GOLM1: variants seen among roughly 807,000 people sequenced by gnomAD.
GOLM1 encodes golgi membrane protein 1, also known as epididymis luminal protein 46.
In GOLM1, 31 loss-of-function variants were observed where a neutral mutation model predicts 50.5. That is an observed-to-expected ratio of 0.61 (90% CI 0.46 to 0.83). GOLM1 has a LOEUF of 0.83. Among genes scored for constraint, GOLM1 ranks in the 40% least tolerant of loss-of-function variants. The pLI is 0.00. For synonymous variants in GOLM1, 178 were observed against 192.8 expected (o/e 0.92, Z 0.64); for missense variants, 491 against 501.3 (o/e 0.98, Z 0.20).
chr9:86,029,339 G>A (rs75271722), intron 9 of GOLM1, among the ~76,000 whole-genome samples: 2,702 of 152,182 alleles, frequency 0.018, 42 homozygotes, highest in Middle Eastern at 0.051. Context: ...GCTCCTGTGC[G>A]GCGTGACTCC....
chr9:86,029,801 C>T lies in GOLM1; in HGVS notation c.1130-1908G>A, dbSNP rs190645374. 2.3e-3 allele frequency among the ~76,000 whole-genome samples: 354 copies of T among 152,304 alleles called. 1 individual carries two copies. Among genetic ancestry groups the T allele is most frequent in the African/African-American group, 8.2e-3 (341 of 41,564 alleles). On this transcript the variant is annotated intron_variant, in intron 9 of 9. Coordinates refer to ENST00000388712, the MANE Select transcript of GOLM1 (RefSeq NM_016548.4). ...TCATTTTCTTTACCTTACCTACTTA[C>T]TTTGTTTAAAACCTTGCACAAGGTC...
At chr9:86,043,386 G>A (rs756572813) in intron 5 of GOLM1, among the ~76,000 whole-genome samples, 10 of 152,116 alleles carry the variant, frequency 6.6e-5, no homozygotes, top group Admixed American at 2.0e-4. Flanking sequence ...TTGTGTTCTC[G>A]GCACTGCCTT....
intron 1 of GOLM1, chr9:86,085,031 A>G (rs1834911355): frequency 6.7e-6 from 1 of 148,262 alleles, no homozygotes; most frequent in African/African-American, 2.5e-5. Flanking sequence ...GGGGCAACAG[A>G]GTGAGACTCT....
chr9:86,029,531 A>G (rs1161043706), intron 9 of GOLM1, among the ~76,000 whole-genome samples: 1 of 152,066 alleles, frequency 6.6e-6, no homozygotes, highest in Admixed American at 6.5e-5. Context: ...CACAAATAAA[A>G]CCTAAAACCA....
At chr9:86,048,879 A>G (rs1162291202) in intron 4 of GOLM1, among the ~76,000 whole-genome samples, 1 of 152,136 alleles carries the variant, frequency 6.6e-6, no homozygotes, top group African/African-American at 2.4e-5. Flanking sequence ...CTTTAGTTTA[A>G]TTAGATCCCA....
chr9:86,067,872 G>C (rs1243641079), intron 3 of GOLM1, among the ~76,000 whole-genome samples: 2 of 152,274 alleles, frequency 1.3e-5, no homozygotes, highest in Non-Finnish European at 2.9e-5. Context: ...TGGGCATGGT[G>C]GTGGGTGCCT....
At position 86,027,499 on chromosome 9, in the gene GOLM1, A is replaced by G. The variant is rs1431974613; in HGVS notation, c.*318T>C. On this transcript the variant is annotated 3_prime_UTR_variant, in exon 10 of 10. Transcript: ENST00000388712. ...TGGCTGTTAATTTACACAAAGTTAT[A>G]TTCCAGAATCAGGAAGCCCCGCTGT... 1.8e-6 allele frequency: 2 copies of G among 1,133,638 alleles called. No homozygotes were observed. Among genetic ancestry groups the G allele is most frequent in the Non-Finnish European group, 2.2e-6 (2 of 923,650 alleles). The allele number at this position is 1,133,638 out of a possible 1,614,324, so 70.2% of individuals were successfully genotyped here. A position where few individuals can be genotyped will look rare whatever the true frequency, so the allele number is the denominator to read the frequency against.
At chr9:86,028,568 G>A (rs1302674916) in intron 9 of GOLM1, among the ~76,000 whole-genome samples, 3 of 152,218 alleles carry the variant, frequency 2.0e-5, no homozygotes, top group Non-Finnish European at 4.4e-5. Context: ...CTGGGATACA[G>A]AAAGCCCTCT....
At chr9:86,061,519 G>A (rs1834158878) in intron 3 of GOLM1, among the ~76,000 whole-genome samples, 1 of 152,210 alleles carries the variant, frequency 6.6e-6, no homozygotes, top group Admixed American at 6.5e-5. Flanking sequence ...GAGTAACAGA[G>A]AAAGAGGGCA....
intron 3 of GOLM1, among the ~76,000 whole-genome samples, chr9:86,055,790 G>A (rs376856962): frequency 2.6e-5 from 4 of 152,112 alleles, no homozygotes; most frequent in African/African-American, 4.8e-5. Context: ...GGATAGGAGA[G>A]GGGGGAGGGA....
At chr9:86,052,462 G>T in intron 4 of GOLM1, 75 bp downstream of exon 4, 1 of 1,222,650 alleles carries the variant, frequency 8.2e-7, no homozygotes, top group Non-Finnish European at 1.2e-6. Context: ...GACCCACCTG[G>T]GCCTAGAGAA....
intron 3 of GOLM1, among the ~76,000 whole-genome samples, chr9:86,075,331 A>G (rs1266184200): frequency 6.6e-6 from 1 of 152,210 alleles, no homozygotes; most frequent in Non-Finnish European, 1.5e-5. Flanking sequence ...GTGGCTTACG[A>G]CTGCGCCCAC....
Position 86,040,749 on chromosome 9 carries a change from T to C in GOLM1, c.587A>G (p.Gln196Arg). Residue 196 changes from glutamine (Q) to arginine (R), a missense_variant, in exon 6 of 10, where the codon CAG becomes CGG. Coordinates refer to ENST00000388712, the MANE Select transcript of GOLM1 (RefSeq NM_016548.4). ...AAATTCCCCAGTTACCTGCTGTCTC[T>C]GGTCGTTGTTTTCACTCAGGTCTCT... is the stretch of plus-strand genomic sequence containing the variant. The part of the protein sequence containing the change: ...ASRDLSENND[Q>R]RQQLQALSEP... 1.2e-6 allele frequency: 2 copies of C among 1,613,000 alleles called. No homozygotes were observed. Among genetic ancestry groups the C allele is most frequent in the South Asian group, 2.2e-5 (2 of 90,720 alleles).
chr9:86,089,603 C>G (rs1033640437), intron 1 of GOLM1, among the ~76,000 whole-genome samples: 1 of 152,044 alleles, frequency 6.6e-6, no homozygotes, highest in African/African-American at 2.4e-5. Context: ...TTTTTCAGCT[C>G]CATCAGGTCA....
At chr9:86,058,100 T>G (rs1250818842) in intron 3 of GOLM1, among the ~76,000 whole-genome samples, 1 of 152,200 alleles carries the variant, frequency 6.6e-6, no homozygotes, top group Admixed American at 6.5e-5. Context: ...AGGAATGACA[T>G]AAGAATGAAG....
chr9:86,060,901 A>AG (rs1834140351), intron 3 of GOLM1, among the ~76,000 whole-genome samples: 1 of 80,068 alleles, frequency 1.2e-5, no homozygotes, highest in Non-Finnish European at 2.1e-5. Context: ...AAAAAAAAAA[A>AG]AAAAAAAAAA....
At chr9:86,028,251 A>G (rs1832847860) in intron 9 of GOLM1, among the ~76,000 whole-genome samples, 1 of 152,220 alleles carries the variant, frequency 6.6e-6, no homozygotes, top group Non-Finnish European at 1.5e-5. Context: ...AAAAACCCTG[A>G]GACCCCAGCG....
At chr9:86,097,897 G>A (rs1428981185) in intron 1 of GOLM1, among the ~76,000 whole-genome samples, 1 of 152,100 alleles carries the variant, frequency 6.6e-6, no homozygotes, top group African/African-American at 2.4e-5. Context: ...AACAACAACA[G>A]CGGGTGGAAT....
chr9:86,027,213 A>G lies in GOLM1; in HGVS notation c.*604T>C, dbSNP rs1832812361. The G allele has an allele frequency of 1.0e-6, 1 of 985,372 alleles. No individual in the cohort carries two copies. The highest frequency in any genetic ancestry group is 1.2e-6 in the Non-Finnish European group (1 of 829,946). 61.0% of individuals were successfully genotyped at this position (985,372 alleles called of 1,614,324 possible). ...GGTTATTATACAAGTAGCCTTTTAA[A>G]AAATTCTCACACAGAACAGCTTTGT... is the stretch of plus-strand genomic sequence containing the variant. On this transcript the variant is annotated 3_prime_UTR_variant, in exon 10 of 10. Transcript: ENST00000388712.
Sources: gnomAD v4.1 joint callset for allele counts (sites outside exome capture counted in the v4.1 genomes callset) on GRCh38, gnomAD v4.1.1 for gene constraint, MANE v1.5 for transcripts, NCBI Gene and HGNC (gene_info 2026-07-23, HGNC 2026-07-21) for gene names.